Variants in CCDC60 observed in about 807,000 individuals in gnomAD.
CCDC60 encodes coiled-coil domain-containing protein 60.
A neutral mutation model predicts 63.5 loss-of-function variants in CCDC60; 54 were observed. That is an observed-to-expected ratio of 0.85 (90% CI 0.68 to 1.07). The LOEUF is 1.07. Among genes scored for constraint, CCDC60 ranks in the 50% least tolerant of loss-of-function variants. CCDC60 has a pLI of 0.00. For synonymous variants in CCDC60, 206 were observed against 238.8 expected, an observed-to-expected ratio of 0.86 and a Z score of 1.27; for missense variants, 651 against 684.3, an observed-to-expected ratio of 0.95 and a Z score of 0.54.
intron 2 of CCDC60, among the ~76,000 whole-genome samples, chr12:119,462,001 A>T (rs942589303): frequency 6.6e-6 from 1 of 152,218 alleles, no homozygotes; most frequent in African/African-American, 2.4e-5. Flanking sequence ...TGTGTCTGAC[A>T]TGAAGGCCCA....
intron 2 of CCDC60, among the ~76,000 whole-genome samples, chr12:119,452,490 A>T (rs1299187177): frequency 6.6e-6 from 1 of 152,208 alleles, no homozygotes. Flanking sequence ...GTACCTTTGC[A>T]TTGATCAAAT....
chr12:119,455,942 AGAGAAAGG>A (rs1233346324), intron 2 of CCDC60, among the ~76,000 whole-genome samples: 1 of 31,508 alleles, frequency 3.2e-5, no homozygotes, highest in Admixed American at 3.0e-4. Flanking sequence ...AGAGAAAGAG[AGAGAAAGG>A]AAGGAAGGAG....
chr12:119,510,849 AG>A (rs1220128221), intron 7 of CCDC60, among the ~76,000 whole-genome samples: 1 of 152,222 alleles, frequency 6.6e-6, no homozygotes, highest in African/African-American at 2.4e-5. Context: ...CAATCCTCTC[AG>A]GAGCCCCATA....
chr12:119,439,462 G>A (rs1950396356), intron 2 of CCDC60, among the ~76,000 whole-genome samples: 1 of 152,174 alleles, frequency 6.6e-6, no homozygotes, highest in Non-Finnish European at 1.5e-5. Flanking sequence ...AATTTCAGGA[G>A]ATAAAATGCT....
At chr12:119,525,610 C>T (rs1462166879) in intron 11 of CCDC60, among the ~76,000 whole-genome samples, 2 of 152,270 alleles carry the variant, frequency 1.3e-5, no homozygotes, top group South Asian at 2.1e-4. Context: ...GGGACTTAAT[C>T]ACCACCAAAC....
intron 1 of CCDC60, among the ~76,000 whole-genome samples, chr12:119,411,294 T>A (rs1268230087): frequency 1.3e-5 from 2 of 152,138 alleles, no homozygotes; most frequent in African/African-American, 4.8e-5. Context: ...CAGAAACATG[T>A]CACATAGAAC....
chr12:119,384,780 T>C (rs1956043299), intron 1 of CCDC60, among the ~76,000 whole-genome samples: 1 of 152,360 alleles, frequency 6.6e-6, no homozygotes, highest in East Asian at 1.9e-4. Context: ...TGACCAAGCC[T>C]AATGCCCTAG....
chr12:119,466,477 G>A (rs552868494), intron 2 of CCDC60, among the ~76,000 whole-genome samples: 32 of 152,278 alleles, frequency 2.1e-4, no homozygotes, highest in African/African-American at 5.8e-4. Flanking sequence ...GGATTAATCC[G>A]TGTAATAAAG....
intron 13 of CCDC60, among the ~76,000 whole-genome samples, chr12:119,535,625 C>A (rs1952979899): frequency 6.6e-6 from 1 of 152,192 alleles, no homozygotes; most frequent in African/African-American, 2.4e-5. Flanking sequence ...TCTTTGTTTT[C>A]ATTGGTTTCA....
intron 8 of CCDC60, among the ~76,000 whole-genome samples, chr12:119,518,213 A>C (rs907751986): frequency 6.6e-6 from 1 of 152,180 alleles, no homozygotes; most frequent in African/African-American, 2.4e-5. Context: ...ATTTATAAGC[A>C]TTAGAGACAG....
chr12:119,524,362 C>G (rs1161647130), intron 11 of CCDC60: 4 of 746,676 alleles, frequency 5.4e-6, no homozygotes, highest in Non-Finnish European at 6.5e-6. Context: ...CTTCCCTGTT[C>G]TGATAACCCA....
chr12:119,479,051 C>T (rs1593146678), intron 3 of CCDC60, 43 bp from the exon 4 acceptor site: 1 of 1,388,152 alleles, frequency 7.2e-7, no homozygotes, highest in East Asian at 2.3e-5. Context: ...TTCAAAGCTA[C>T]TGCTCATTGT....
intron 1 of CCDC60, among the ~76,000 whole-genome samples, chr12:119,386,510 A>C (rs988780660): frequency 2.0e-5 from 3 of 152,130 alleles, no homozygotes; most frequent in African/African-American, 7.2e-5. Flanking sequence ...AGAAAAAAAA[A>C]AAAAAGCAAC....
At chr12:119,434,453 A>G (rs563909317) in intron 2 of CCDC60, among the ~76,000 whole-genome samples, 4 of 152,196 alleles carry the variant, frequency 2.6e-5, no homozygotes, top group Non-Finnish European at 5.9e-5. Context: ...TCTTTGATGA[A>G]TAAGAGATGA....
intron 1 of CCDC60, among the ~76,000 whole-genome samples, chr12:119,387,591 G>T (rs1956082929): frequency 6.6e-6 from 1 of 151,650 alleles, no homozygotes; most frequent in African/African-American, 2.4e-5. Flanking sequence ...TTTTTCTATA[G>T]GTATGAATGT....
intron 2 of CCDC60, among the ~76,000 whole-genome samples, chr12:119,455,940 AGAG>A (rs1950725403): frequency 9.4e-5 from 3 of 31,836 alleles, no homozygotes; most frequent in Non-Finnish European, 1.8e-4. Flanking sequence ...AAAGAGAAAG[AGAG>A]AGAAAGGAAG....
intron 8 of CCDC60, among the ~76,000 whole-genome samples, chr12:119,519,467 A>ATATTT (rs1241035118): frequency 3.1e-5 from 3 of 95,286 alleles, no homozygotes; most frequent in African/African-American, 1.1e-4. Context: ...ATATATATAT[A>ATATTT]TTTTTTTTTT....
intron 1 of CCDC60, among the ~76,000 whole-genome samples, chr12:119,377,407 A>C (rs184977493): frequency 2.6e-5 from 4 of 152,232 alleles, no homozygotes; most frequent in African/African-American, 9.6e-5. Flanking sequence ...TCAAATAATC[A>C]GTTCTGTTTT....
intron 1 of CCDC60, among the ~76,000 whole-genome samples, chr12:119,381,425 A>G (rs1956006673): frequency 6.6e-6 from 1 of 152,138 alleles, no homozygotes; most frequent in Non-Finnish European, 1.5e-5. Flanking sequence ...ATACAAGAGG[A>G]ATTGGAGTCT....
Sources: allele counts gnomAD v4.1 joint callset (sites outside exome capture counted in the v4.1 genomes callset), GRCh38; gene constraint gnomAD v4.1.1; transcripts MANE v1.5; gene names NCBI Gene and HGNC (gene_info 2026-07-23, HGNC 2026-07-21).